Variants in ZNF470 observed in about 807,000 individuals in gnomAD.
The protein encoded by ZNF470 is zinc finger protein 470.
A neutral mutation model predicts 13.9 loss-of-function variants in ZNF470; 13 were observed. That is an observed-to-expected ratio of 0.94 (90% CI 0.61 to 1.49). The LOEUF (loss-of-function observed/expected upper bound fraction) is 1.49. Ranked by LOEUF, ZNF470 falls within the 40% of genes most tolerant of loss-of-function variation. The pLI is 0.00. For missense variants in ZNF470, 929 were observed against 857.3 expected, an observed-to-expected ratio of 1.08 and a Z score of -1.04; for synonymous variants, 293 against 282.9, an observed-to-expected ratio of 1.04 and a Z score of -0.36.
chr19:56,574,311 G>A, intron 3 of ZNF470, 83 bp from the exon 4 acceptor site: 12 of 1,601,642 alleles, frequency 7.5e-6, no homozygotes, highest in South Asian at 1.1e-5. Context: ...TAATCCCAAA[G>A]TGAGAACAGC....
In ZNF470 at chr19:56,579,061, CTG is replaced by C. The variant is rs1374012840; in HGVS notation, c.*481_*482del. On this transcript the variant is annotated 3_prime_UTR_variant, in exon 6 of 6. Coordinates refer to ENST00000330619, the MANE Select transcript of ZNF470 (RefSeq NM_001001668.4). ...GTAACATGGTGGCTTATCACTCCCT[CTG>C]TGACATTGTTGATGAGCAACTCTCA... 1 of 985,774 alleles carries C rather than the reference CTG, an allele frequency of 1.0e-6. No homozygotes were observed. The highest frequency in any genetic ancestry group is 1.2e-6 in the Non-Finnish European group (1 of 830,276). 61.1% of individuals were successfully genotyped at this position (985,774 alleles called of 1,614,324 possible).
In ZNF470 at chr19:56,581,152, C is replaced by T. The variant is rs557025840; in HGVS notation, c.*2569C>T. On this transcript the variant is annotated 3_prime_UTR_variant, in exon 6 of 6. Transcript: ENST00000330619. ...ATAAAGGACTGTAATTCGTGATATT[C>T]AAAGTACTATTACAAACCAATAATA... The T allele has an allele frequency of 2.4e-6, 2 of 845,160 alleles. No homozygotes were observed. Among genetic ancestry groups the T allele is most frequent in the Admixed American group, 1.2e-4 (2 of 16,098 alleles). 52.4% of individuals were successfully genotyped at this position (845,160 alleles called of 1,614,324 possible).
chr19:56,570,886 C>T (rs927185316), intron 3 of ZNF470, among the ~76,000 whole-genome samples: 1 of 152,182 alleles, frequency 6.6e-6, no homozygotes, highest in African/African-American at 2.4e-5. Flanking sequence ...AGTGCCCCTT[C>T]CTCTCTACTG....
chr19:56,568,153 C>T, intron 1 of ZNF470, 115 bp downstream of exon 1: 1 of 977,744 alleles, frequency 1.0e-6, no homozygotes, highest in Non-Finnish European at 1.2e-6. Context: ...GGCTAGTGGA[C>T]CTGGAAGTCG....
Position 56,577,097 on chromosome 19 carries a change from G to C in ZNF470, c.668G>C (p.Gly223Ala), listed in dbSNP as rs752465247. The C allele has an allele frequency of 1.9e-6, 3 of 1,607,968 alleles. No homozygotes were observed. The highest frequency in any genetic ancestry group is 1.7e-5 in the Admixed American group (1 of 58,176). ...GTGAAAAAACACAAGCAAGACCGTG[G>C]AGAAAAGAAACTTTTAAAATGTAAT... is the stretch of plus-strand genomic sequence containing the variant. Reference protein sequence around the residue: ...SVVKKHKQDRGEKKLLKCNDC... With the variant: ...SVVKKHKQDRAEKKLLKCNDC... Residue 223 changes from glycine (G) to alanine (A), a missense_variant, in exon 6 of 6, where the codon GGA (glycine) becomes GCA (alanine). By Grantham distance (60) the Gly-to-Ala change is moderately conservative. Coordinates refer to ENST00000330619, the MANE Select transcript of ZNF470 (RefSeq NM_001001668.4).
Position 56,578,307 on chromosome 19 carries a change from T to A in ZNF470, c.1878T>A (p.Cys626Ter). The change falls in exon 6 of 6, where the codon TGT becomes TGA. Residue 626 changes from cysteine to a stop codon, truncating the protein, a stop_gained. Coordinates refer to ENST00000330619, the MANE Select transcript of ZNF470 (RefSeq NM_001001668.4). LOFTEE classifies it low-confidence loss of function (END_TRUNC). ...AGAAACCTTATGAATGTAATGTTTG[T>A]GGGAAAGCCTTTAGCCATCGTAAAT... Reference protein sequence around the residue: ...TGEKPYECNVCGKAFSHRKSL... With the variant: ...TGEKPYECNV 1.2e-6 allele frequency: 2 copies of A among 1,613,180 alleles called. No homozygotes were observed. The highest frequency in any genetic ancestry group is 2.2e-5 in the South Asian group (2 of 90,996).
chr19:56,567,562 G>A lies in ZNF470; in HGVS notation c.-635G>A. 2.0e-6 allele frequency: 2 copies of A among 986,094 alleles called. No homozygotes were observed. The highest frequency in any genetic ancestry group is 2.4e-6 in the Non-Finnish European group (2 of 830,882). The allele number at this position is 986,094 out of a possible 1,614,324, so 61.1% of individuals were successfully genotyped here. A position where few individuals can be genotyped will look rare whatever the true frequency, so the allele number is the denominator to read the frequency against. On this transcript the variant is annotated 5_prime_UTR_variant, in exon 1 of 6. Coordinates refer to ENST00000330619, the MANE Select transcript of ZNF470 (RefSeq NM_001001668.4). ...GCGGGGCAGCGGCCGAGGCTGGACT[G>A]GGGCGCGGCGGGGGCGGTGTCCTGG...
In ZNF470 at chr19:56,581,781, C is replaced by T; in HGVS notation, c.*3198C>T. 1.0e-6 allele frequency: 1 copy of T among 985,384 alleles called. No individual in the cohort carries two copies. The highest frequency in any genetic ancestry group is 1.2e-6 in the Non-Finnish European group (1 of 829,914). 61.0% of individuals were successfully genotyped at this position (985,384 alleles called of 1,614,324 possible). ...CATCTTTTCCTTTTGAGTAACTGGC[C>T]ATACCCTACCATATGTTTTTGATGG... On this transcript the variant is annotated 3_prime_UTR_variant, in exon 6 of 6. Coordinates refer to ENST00000330619, the MANE Select transcript of ZNF470 (RefSeq NM_001001668.4).
chr19:56,578,069 G>A lies in ZNF470; in HGVS notation c.1640G>A (p.Ser547Asn), dbSNP rs1308666120. 2 of 1,614,026 alleles carry A rather than the reference G, an allele frequency of 1.2e-6. No individual in the cohort carries two copies. The highest frequency in any genetic ancestry group is 2.7e-5 in the African/African-American group (2 of 75,016). The change falls in exon 6 of 6, where the codon AGT (serine) becomes AAT (asparagine). Residue 547 changes from serine (S) to asparagine (N), a missense_variant. Coordinates refer to ENST00000330619, the MANE Select transcript of ZNF470 (RefSeq NM_001001668.4). ...TGTAAGGAATGTGGTAAGGCCTTCA[G>A]TCAGATTGCACACCTTGTTCAGCAC... is the stretch of plus-strand genomic sequence containing the variant. ...YECKECGKAF[S>N]QIAHLVQHQR...
In ZNF470 at chr19:56,579,827, T is replaced by C. The variant is rs570401016; in HGVS notation, c.*1244T>C. On this transcript the variant is annotated 3_prime_UTR_variant, in exon 6 of 6. Coordinates refer to ENST00000330619, the MANE Select transcript of ZNF470 (RefSeq NM_001001668.4). ...TCCCTAAATTGTAAATTCATTGATA[T>C]TCCAGTAAAAATTTCCATATTTTTT... The C allele has an allele frequency of 1.2e-6, 1 of 827,404 alleles. No homozygotes were observed. Among genetic ancestry groups the C allele is most frequent in the East Asian group, 1.2e-4 (1 of 8,042 alleles). The allele number at this position is 827,404 out of a possible 1,614,324, so 51.3% of individuals were successfully genotyped here.
Position 56,567,481 on chromosome 19 carries a change from A to C in ZNF470, c.-716A>C, listed in dbSNP as rs2044418889. 5.1e-6 allele frequency: 5 copies of C among 985,852 alleles called. No homozygotes were observed. The highest frequency in any genetic ancestry group is 6.0e-6 in the Non-Finnish European group (5 of 830,296). The allele number at this position is 985,852 out of a possible 1,614,324, so 61.1% of individuals were successfully genotyped here. ...GAGGACACGCCCACTTCCGGAAAGGACCCAAAGCCGGGCGAGTGCACGTCC... is the reference window on the plus strand; with the variant it reads ...GAGGACACGCCCACTTCCGGAAAGGCCCCAAAGCCGGGCGAGTGCACGTCC... On this transcript the variant is annotated 5_prime_UTR_variant, in exon 1 of 6. Coordinates refer to ENST00000330619, the MANE Select transcript of ZNF470 (RefSeq NM_001001668.4).
rs2044542534 is a variant in ZNF470 at position 56,582,507 on chromosome 19, T to C, written c.*3924T>C. 1.0e-6 allele frequency: 1 copy of C among 985,350 alleles called. No homozygotes were observed. Among genetic ancestry groups the C allele is most frequent in the Non-Finnish European group, 1.2e-6 (1 of 829,934 alleles). The allele number at this position is 985,350 out of a possible 1,614,324, so 61.0% of individuals were successfully genotyped here. A position where few individuals can be genotyped will look rare whatever the true frequency, so the allele number is the denominator to read the frequency against. ...TATACTTTATTCACAAGAGTCACTG[T>C]GAATTGAATTGTGAATTCAGTTCTG... is the stretch of plus-strand genomic sequence containing the variant. On this transcript the variant is annotated 3_prime_UTR_variant, in exon 6 of 6. Coordinates refer to ENST00000330619, the MANE Select transcript of ZNF470 (RefSeq NM_001001668.4).
At position 56,579,843 on chromosome 19, in the gene ZNF470, C is replaced by T; in HGVS notation, c.*1260C>T. 5.2e-6 allele frequency: 4 copies of T among 771,404 alleles called. No homozygotes were observed. Among genetic ancestry groups the T allele is most frequent in the Non-Finnish European group, 6.3e-6 (4 of 635,210 alleles). The allele number at this position is 771,404 out of a possible 1,614,324, so 47.8% of individuals were successfully genotyped here. ...TCATTGATATTCCAGTAAAAATTTC[C>T]ATATTTTTTTAGTTGAGAAGCTGAT... On this transcript the variant is annotated 3_prime_UTR_variant, in exon 6 of 6. Transcript: ENST00000330619.
rs11672822 is a variant in ZNF470 at position 56,582,881 on chromosome 19, G to A, written c.*4298G>A. The stretch of plus-strand genomic sequence containing the variant: ...CCAGGACTGTGAGAAAATAAATGTT[G>A]GTTGTTTAAGCCACCCAGTCTGTGG... On this transcript the variant is annotated 3_prime_UTR_variant, in exon 6 of 6. Coordinates refer to ENST00000330619, the MANE Select transcript of ZNF470 (RefSeq NM_001001668.4). 31,620 of 152,238 alleles carry A rather than the reference G, an allele frequency of 0.21. 3,733 individuals are homozygous for A. The highest frequency in any genetic ancestry group is 0.28 in the Middle Eastern group (83 of 294). The allele number at this position is 152,238 out of a possible 1,614,324, so 9.4% of individuals were successfully genotyped here. A position where few individuals can be genotyped will look rare whatever the true frequency, so the allele number is the denominator to read the frequency against.
intron 3 of ZNF470, among the ~76,000 whole-genome samples, chr19:56,572,815 A>C (rs1260646462): frequency 6.6e-6 from 1 of 152,176 alleles, no homozygotes; most frequent in Non-Finnish European, 1.5e-5. Context: ...AGGAATGCAG[A>C]TAAAATAAAG....
At position 56,576,996 on chromosome 19, in the gene ZNF470, A is replaced by G. The variant is rs773590756; in HGVS notation, c.567A>G (p.Ile189Met). Reference sequence around the variant, plus strand: ...TTCATCTGAATACATTATCTTATATAAAACAGATTTTTCCCATGGAAGAGA... The same window carrying G: ...TTCATCTGAATACATTATCTTATATGAAACAGATTTTTCCCATGGAAGAGA... ...TVFHLNTLSY[I>M]KQIFPMEERI... Residue 189 changes from isoleucine to methionine, a missense_variant, in exon 6 of 6, where the codon ATA (isoleucine) becomes ATG (methionine). Physicochemically the swap from Ile to Met is conservative, Grantham distance 10. Coordinates refer to ENST00000330619, the MANE Select transcript of ZNF470 (RefSeq NM_001001668.4). The G allele has an allele frequency of 8.2e-6, 13 of 1,586,388 alleles. No homozygotes were observed. Among genetic ancestry groups the G allele is most frequent in the East Asian group, 2.2e-5 (1 of 44,732 alleles).
At chr19:56,570,663 G>GCAGAAGTACAAT (rs2044445777) in intron 3 of ZNF470, among the ~76,000 whole-genome samples, 1 of 152,170 alleles carries the variant, frequency 6.6e-6, no homozygotes. Context: ...ATCTGACAAA[G>GCAGAAGTACAAT]CAGAAGTACA....
In ZNF470 at chr19:56,577,935, T is replaced by A; in HGVS notation, c.1506T>A (p.Ile502=). The A allele has an allele frequency of 6.2e-7, 1 of 1,613,994 alleles. No individual in the cohort carries two copies. The highest frequency in any genetic ancestry group is 8.5e-7 in the Non-Finnish European group (1 of 1,179,996). ...CGCATCTGGCTCATCATCAGAGAAT[T>A]CATACTGGAGAGAAACCTTATGAAT... The part of the protein sequence containing the change: ...QSTHLAHHQR[I]HTGEKPYECK... The change falls in exon 6 of 6, where the codon ATT becomes ATA. Residue 502 remains isoleucine, a synonymous_variant. Transcript: ENST00000330619.
Position 56,574,490 on chromosome 19 carries a change from T to A in ZNF470, c.157T>A (p.Leu53Ile), listed in dbSNP as rs753267316. The A allele has an allele frequency of 3.7e-6, 6 of 1,613,960 alleles. No homozygotes were observed. The highest frequency in any genetic ancestry group is 5.1e-6 in the Non-Finnish European group (6 of 1,179,812). ...GAGAAGTTTGTACAAGAAGGTGATGTTAGAAAACTACAGGAACCTAGTTTC... is the reference window on the plus strand; with the variant it reads ...GAGAAGTTTGTACAAGAAGGTGATGATAGAAAACTACAGGAACCTAGTTTC... ...AQRSLYKKVM[L>I]ENYRNLVSVG... Residue 53 changes from leucine to isoleucine, a missense_variant, in exon 4 of 6, where the codon TTA becomes ATA. By Grantham distance (5) the Leu-to-Ile change is conservative. Coordinates refer to ENST00000330619, the MANE Select transcript of ZNF470 (RefSeq NM_001001668.4).
Sources: allele counts gnomAD v4.1 joint callset (sites outside exome capture counted in the v4.1 genomes callset), GRCh38; gene constraint gnomAD v4.1.1; transcripts MANE v1.5; gene names NCBI Gene and HGNC (gene_info 2026-07-23, HGNC 2026-07-21).